Variants in ITPR1 observed in about 807,000 individuals in gnomAD.
ITPR1 encodes the protein inositol 1,4,5-trisphosphate-gated calcium channel ITPR1.
In ITPR1, 96 loss-of-function variants were observed where a neutral mutation model predicts 318.4. That is an observed-to-expected ratio of 0.30 (90% CI 0.26 to 0.36). ITPR1 has a LOEUF of 0.36. Among genes scored for constraint, ITPR1 ranks in the 10% least tolerant of loss-of-function variants. The probability of loss-of-function intolerance (pLI) is 1.00; values close to 1 mark genes in which losing one functional copy is unlikely to be tolerated. For synonymous variants in ITPR1, 1,312 were observed against 1,289.9 expected (o/e 1.02, Z -0.37); for missense variants, 2,440 against 3,460.2 (o/e 0.71, Z 7.40).
At chr3:4,547,630 C>T (rs1193466498) in intron 4 of ITPR1, among the ~76,000 whole-genome samples, 1 of 152,222 alleles carries the variant, frequency 6.6e-6, no homozygotes, top group Non-Finnish European at 1.5e-5. Context: ...AACTTAGTTA[C>T]TTAAACTGTA....
At chr3:4,589,254 C>T (rs1255357340) in intron 4 of ITPR1, among the ~76,000 whole-genome samples, 1 of 152,182 alleles carries the variant, frequency 6.6e-6, no homozygotes, top group Non-Finnish European at 1.5e-5. Context: ...CAAAGCAGTA[C>T]TTACCTTTAC....
intron 49 of ITPR1, 74 bp from the exon 50 acceptor site, chr3:4,782,545 G>A: frequency 7.0e-7 from 1 of 1,432,548 alleles, no homozygotes. Flanking sequence ...GACAGCCAGT[G>A]TGCATGCTGT....
At chr3:4,723,409 C>T (rs13075137) in intron 40 of ITPR1, among the ~76,000 whole-genome samples, 54,044 of 151,900 alleles carry the variant, frequency 0.36, 10,559 homozygotes, top group Non-Finnish European at 0.46. Flanking sequence ...TTTTCTCAAA[C>T]GGCTTCGTAA....
At chr3:4,724,864 T>C (rs1465734301) in intron 40 of ITPR1, among the ~76,000 whole-genome samples, 2 of 152,134 alleles carry the variant, frequency 1.3e-5, no homozygotes, top group African/African-American at 4.8e-5. Context: ...GTGGCATGGC[T>C]GGGATGGGGC....
At chr3:4,651,188 A>T (rs4685792) in intron 10 of ITPR1, among the ~76,000 whole-genome samples, 123,448 of 152,174 alleles carry the variant, frequency 0.81, 50,885 homozygotes, top group East Asian at 1. Context: ...GCTTTCAGAC[A>T]CCTTGTTTTT....
chr3:4,675,498 T>G (rs745540900), intron 23 of ITPR1, among the ~76,000 whole-genome samples: 4 of 152,256 alleles, frequency 2.6e-5, no homozygotes, highest in African/African-American at 4.8e-5. Flanking sequence ...TTATGTGTAT[T>G]TATGTGTATT....
chr3:4,520,629 T>C (rs1488285861), intron 3 of ITPR1, among the ~76,000 whole-genome samples: 1 of 152,200 alleles, frequency 6.6e-6, no homozygotes, highest in Non-Finnish European at 1.5e-5. Context: ...GCTCCTGCAC[T>C]AGCCTTGAGC....
intron 43 of ITPR1, among the ~76,000 whole-genome samples, chr3:4,734,474 C>A (rs2043138613): frequency 6.6e-6 from 1 of 152,204 alleles, no homozygotes; most frequent in African/African-American, 2.4e-5. Context: ...AGACAATTTT[C>A]TGCCTTTTGA....
chr3:4,705,412 G>A (rs572179168), intron 36 of ITPR1, among the ~76,000 whole-genome samples: 4 of 152,256 alleles, frequency 2.6e-5, no homozygotes, highest in East Asian at 1.9e-4. Context: ...CTCCAGGCTC[G>A]ATTCGAATTT....
intron 4 of ITPR1, among the ~76,000 whole-genome samples, chr3:4,592,489 G>A (rs924585760): frequency 4.6e-5 from 7 of 151,928 alleles, no homozygotes; most frequent in South Asian, 2.1e-4. Flanking sequence ...TGGTCCTCTA[G>A]GGTACAGACA....
chr3:4,635,380 G>C (rs146514594), intron 5 of ITPR1, among the ~76,000 whole-genome samples: 1 of 151,924 alleles, frequency 6.6e-6, no homozygotes, highest in Non-Finnish European at 1.5e-5. Flanking sequence ...TCACTCTGTC[G>C]CCCAGGCTGC....
At chr3:4,667,673 A>G (rs2093981273) in intron 18 of ITPR1, 124 bp downstream of exon 18, 3 of 907,056 alleles carry the variant, frequency 3.3e-6, no homozygotes, top group African/African-American at 1.7e-5. Flanking sequence ...TTAGGTCTGG[A>G]GAGGCTTTTT....
chr3:4,750,909 C>G (rs1330859086), intron 44 of ITPR1: 1 of 152,652 alleles, frequency 6.6e-6, no homozygotes, highest in African/African-American at 2.4e-5. Flanking sequence ...GTTTTTTCCA[C>G]CCTCCCTTAT....
At position 4,680,628 on chromosome 3, in the gene ITPR1, A is replaced by G; in HGVS notation, c.3043A>G (p.Asn1015Asp). The G allele has an allele frequency of 6.2e-7, 1 of 1,613,846 alleles. No homozygotes were observed. Residue 1015 changes from asparagine to aspartate, a missense_variant, in exon 25 of 62, where the codon AAT becomes GAT. This residue lies in a region of ITPR1 where 57 missense variants were observed against 46.2 expected (regional missense o/e 1.23). Coordinates refer to ENST00000649015, the MANE Select transcript of ITPR1 (RefSeq NM_001378452.1). ...CIFKREFDES[N>D]SQTSETSSGN... ...ATTTAAGCGAGAGTTTGATGAAAGCAATTCCCAGACTTCAGAAACATCCTC... is the reference window on the plus strand; with the variant it reads ...ATTTAAGCGAGAGTTTGATGAAAGCGATTCCCAGACTTCAGAAACATCCTC...
At chr3:4,786,603 C>T (rs1575243522) in intron 51 of ITPR1, among the ~76,000 whole-genome samples, 1 of 152,218 alleles carries the variant, frequency 6.6e-6, no homozygotes, top group South Asian at 2.1e-4. Flanking sequence ...TGTGCCTCTA[C>T]TATACTGTAA....
intron 60 of ITPR1, among the ~76,000 whole-genome samples, chr3:4,820,559 G>T (rs1166658517): frequency 6.6e-6 from 1 of 152,230 alleles, no homozygotes; most frequent in Non-Finnish European, 1.5e-5. Flanking sequence ...AGAGCCTGCT[G>T]CGTGGCAACA....
At chr3:4,697,675 C>T (rs2094582425) in intron 34 of ITPR1, among the ~76,000 whole-genome samples, 1 of 152,004 alleles carries the variant, frequency 6.6e-6, no homozygotes, top group African/African-American at 2.4e-5. Flanking sequence ...TGGTCTTGAA[C>T]TCCTGACCTC....
In ITPR1 at chr3:4,714,468, G is replaced by A. The variant is rs370817961; in HGVS notation, c.5103+2600G>A. Among the ~76,000 whole-genome samples, 6 of 152,246 alleles carry A rather than the reference G, an allele frequency of 3.9e-5. No individual in the cohort carries two copies. In the East Asian group the frequency reaches 1.2e-3, roughly 29 times the overall value. On this transcript the variant is annotated intron_variant, in intron 39 of 61. Coordinates refer to ENST00000649015, the MANE Select transcript of ITPR1 (RefSeq NM_001378452.1). ...ACCGCCAAAGAATCGGATCTGGAGG[G>A]GCCCTGGCATGGCTTCTTCCAACTC...
chr3:4,665,574 C>T (rs2093929162), intron 17 of ITPR1, among the ~76,000 whole-genome samples: 1 of 152,180 alleles, frequency 6.6e-6, no homozygotes, highest in African/African-American at 2.4e-5. Context: ...ATGACGTATT[C>T]CCTTAGGGCT....
Sources: allele counts gnomAD v4.1 joint callset (sites outside exome capture counted in the v4.1 genomes callset), GRCh38; gene constraint gnomAD v4.1.1; regional missense constraint gnomAD v4.1.1; transcripts MANE v1.5; gene names NCBI Gene and HGNC (gene_info 2026-07-23, HGNC 2026-07-21).